Variants in MYO5B observed in about 807,000 individuals in gnomAD.
MYO5B encodes the protein unconventional myosin-Vb.
A neutral mutation model predicts 229.3 loss-of-function variants in MYO5B; 143 were observed. The ratio of observed to expected loss-of-function variants is 0.62; its 90% CI spans 0.54 to 0.72. The LOEUF is 0.72. Among genes scored for constraint, MYO5B ranks in the 30% least tolerant of loss-of-function variants. MYO5B has a pLI of 0.00. For missense variants in MYO5B, 2,321 were observed against 2,331.0 expected, an observed-to-expected ratio of 1.00 and a Z score of 0.09; for synonymous variants, 918 against 885.2, an observed-to-expected ratio of 1.04 and a Z score of -0.66.
At chr18:49,872,651 G>A (rs757052484) in intron 26 of MYO5B, among the ~76,000 whole-genome samples, 2 of 152,084 alleles carry the variant, frequency 1.3e-5, no homozygotes, top group African/African-American at 2.4e-5. Flanking sequence ...TAATCCAGTC[G>A]GAAGACGACA....
At chr18:50,148,828 AG>A (rs559075389) in intron 1 of MYO5B, among the ~76,000 whole-genome samples, 2,100 of 152,238 alleles carry the variant, frequency 0.014, 21 homozygotes, top group Non-Finnish European at 0.02. Flanking sequence ...TGGAAGTTCT[AG>A]CCAGGGCAAT....
intron 1 of MYO5B, among the ~76,000 whole-genome samples, chr18:50,109,110 C>T (rs2031816679): frequency 6.6e-6 from 1 of 152,186 alleles, no homozygotes; most frequent in Non-Finnish European, 1.5e-5. Context: ...CACCACTTCC[C>T]CTATCCACAG....
intron 1 of MYO5B, among the ~76,000 whole-genome samples, chr18:50,187,232 A>G (rs1332161330): frequency 6.6e-6 from 1 of 152,156 alleles, no homozygotes; most frequent in Non-Finnish European, 1.5e-5. Flanking sequence ...TGTAATTTCT[A>G]CATAACTACA....
Position 49,875,840 on chromosome 18 carries a change from A to G in MYO5B, c.3397-13T>C. 6.2e-7 allele frequency: 1 copy of G among 1,614,052 alleles called. No individual in the cohort carries two copies. The highest frequency in any genetic ancestry group is 2.2e-5 in the East Asian group (1 of 44,884). On this transcript the variant is annotated splice_polypyrimidine_tract_variant and intron_variant, in intron 25 of 39. Transcript: ENST00000285039. The stretch of plus-strand genomic sequence containing the variant: ...CCAGGCCAATTTCCTTCAAAGGAAG[A>G]CAGGCACAGAAAAAAGGTTTTCCTA...
chr18:49,900,182 C>T (rs1455197292), intron 21 of MYO5B, among the ~76,000 whole-genome samples: 2 of 152,256 alleles, frequency 1.3e-5, no homozygotes, highest in East Asian at 1.9e-4. Flanking sequence ...CAACATTTGA[C>T]TAAGCAAGTC....
intron 2 of MYO5B, among the ~76,000 whole-genome samples, chr18:50,045,091 T>C (rs969326249): frequency 2.0e-5 from 3 of 152,208 alleles, no homozygotes; most frequent in Non-Finnish European, 4.4e-5. Flanking sequence ...CCTGTGAAGA[T>C]AGGCTGGTAA....
intron 3 of MYO5B, among the ~76,000 whole-genome samples, chr18:50,039,601 G>GA (rs1201357019): frequency 1.3e-5 from 2 of 152,188 alleles, no homozygotes; most frequent in Non-Finnish European, 2.9e-5. Context: ...AAAGTGCTGG[G>GA]ATTACAGGCG....
chr18:50,109,663 T>G (rs1451205155), intron 1 of MYO5B, among the ~76,000 whole-genome samples: 1 of 152,058 alleles, frequency 6.6e-6, no homozygotes, highest in Admixed American at 6.6e-5. Context: ...CCTGACGTTG[T>G]GATCCACCTG....
At chr18:49,864,060 G>A in intron 28 of MYO5B, 81 bp downstream of exon 28, 1 of 1,581,112 alleles carries the variant, frequency 6.3e-7, no homozygotes, top group Admixed American at 1.7e-5. Flanking sequence ...GACCCTCGTG[G>A]GTAAAGATAA....
At position 49,984,066 on chromosome 18, in the gene MYO5B, G is replaced by A. The variant is rs558001958; in HGVS notation, c.946+652C>T. On this transcript the variant is annotated intron_variant, in intron 8 of 39. Transcript: ENST00000285039. ...TTCCTTTTTCTGGATGCAGGTCCCA[G>A]GAATTTAACACTTCAATTTCCCAAC... Among the ~76,000 whole-genome samples, 12 of 152,246 alleles carry A rather than the reference G, an allele frequency of 7.9e-5. 1 individual carries two copies. The East Asian group carries it at 2.3e-3, about 29-fold the overall frequency.
At chr18:49,972,394 G>T (rs1193205483) in intron 10 of MYO5B, among the ~76,000 whole-genome samples, 1 of 152,116 alleles carries the variant, frequency 6.6e-6, no homozygotes, top group Non-Finnish European at 1.5e-5. Context: ...AAGATCACAG[G>T]GAAGGAGAAA....
intron 26 of MYO5B, among the ~76,000 whole-genome samples, chr18:49,874,024 A>G (rs1232363558): frequency 2.0e-5 from 3 of 152,136 alleles, no homozygotes; most frequent in East Asian, 1.9e-4. Context: ...TTTGGACCAA[A>G]AGCGAATCCA....
At chr18:49,876,761 G>A (rs188810490) in intron 25 of MYO5B, among the ~76,000 whole-genome samples, 3 of 152,210 alleles carry the variant, frequency 2.0e-5, no homozygotes, top group African/African-American at 7.2e-5. Context: ...GTTATGCAAG[G>A]CTTACTAAGT....
At chr18:49,947,405 G>T (rs925649073) in intron 14 of MYO5B, among the ~76,000 whole-genome samples, 1 of 152,120 alleles carries the variant, frequency 6.6e-6, no homozygotes, top group Admixed American at 6.6e-5. Context: ...GCACCCAGCC[G>T]TAGTCACCAA....
At chr18:49,947,101 C>CTTTTTTT (rs74176748) in intron 14 of MYO5B, among the ~76,000 whole-genome samples, 8 of 108,292 alleles carry the variant, frequency 7.4e-5, no homozygotes, top group East Asian at 2.7e-4. Flanking sequence ...TCACCAAGCT[C>CTTTTTTT]TTTTTTTTTT....
At position 50,043,345 on chromosome 18, in the gene MYO5B, T is replaced by TATATATAATATAAATATATTATATA. The variant is rs1356235153; in HGVS notation, c.139-3056_139-3032dup. On this transcript the variant is annotated intron_variant, in intron 2 of 39. Coordinates refer to ENST00000285039, the MANE Select transcript of MYO5B (RefSeq NM_001080467.3). Reference sequence around the variant, plus strand: ...AAATATATATTTTATATATTTATATTATATATAATATAAATATATTATATA... The same window carrying TATATATAATATAAATATATTATATA: ...AAATATATATTTTATATATTTATATTATATATAATATAAATATATTATATAATATATAATATAAATATATTATATA... 2.5e-4 allele frequency among the ~76,000 whole-genome samples: 29 copies of TATATATAATATAAATATATTATATA among 114,208 alleles called. No individual in the cohort carries two copies. The South Asian group carries it at 3.3e-3, about 13-fold the overall frequency. 74.9% of individuals were successfully genotyped at this position (114,208 alleles called of 152,430 possible).
intron 1 of MYO5B, among the ~76,000 whole-genome samples, chr18:50,092,882 A>G (rs188618465): frequency 6.6e-6 from 1 of 152,356 alleles, no homozygotes; most frequent in East Asian, 1.9e-4. Context: ...AACCTTAAGC[A>G]TGCTATAAAA....
At chr18:50,072,422 A>C (rs1202289470) in intron 1 of MYO5B, among the ~76,000 whole-genome samples, 1 of 152,100 alleles carries the variant, frequency 6.6e-6, no homozygotes, top group Non-Finnish European at 1.5e-5. Flanking sequence ...CATCACATTC[A>C]GGGAGTGTAG....
chr18:50,060,196 C>G (rs1012340842), intron 1 of MYO5B, among the ~76,000 whole-genome samples: 1 of 152,214 alleles, frequency 6.6e-6, no homozygotes, highest in Non-Finnish European at 1.5e-5. Context: ...TTTAAACACA[C>G]ACACACTGTT....
Sources: allele counts gnomAD v4.1 joint callset (sites outside exome capture counted in the v4.1 genomes callset), GRCh38; gene constraint gnomAD v4.1.1; transcripts MANE v1.5; gene names NCBI Gene and HGNC (gene_info 2026-07-23, HGNC 2026-07-21).